RNF216: variants seen among roughly 807,000 people sequenced by gnomAD.
RNF216 encodes ring finger protein 216.
RNF216 carries 72 observed loss-of-function variants against 110.8 expected under a neutral mutation model. The observed-to-expected ratio is 0.65, with a 90% CI of 0.54 to 0.79. The LOEUF is 0.79. RNF216 is among the 30% of genes least tolerant of loss of function. RNF216 has a pLI of 0.00. For synonymous variants in RNF216, 495 were observed against 407.5 expected (o/e 1.21, Z -2.59); for missense variants, 1,342 against 1,141.2 (o/e 1.18, Z -2.54).
At position 5,711,187 on chromosome 7, in the gene RNF216, A is replaced by T. The variant is rs144342211; in HGVS notation, c.2061+574T>A. Among the ~76,000 whole-genome samples the T allele has an allele frequency of 3.3e-5, 5 of 152,358 alleles. No homozygotes were observed. In the East Asian group the frequency reaches 9.6e-4, roughly 29 times the overall value. On this transcript the variant is annotated intron_variant, in intron 13 of 16. Coordinates refer to ENST00000389902, the MANE Select transcript of RNF216 (RefSeq NM_207111.4). ...AGCTGAAAGATTTTAAGACATTCTT[A>T]GTTCACAGGGCGCCAAGTTAAAGGG...
At chr7:5,694,327 A>G (rs1281962206) in intron 13 of RNF216, among the ~76,000 whole-genome samples, 1 of 152,196 alleles carries the variant, frequency 6.6e-6, no homozygotes, top group African/African-American at 2.4e-5. Context: ...CTGCTACTCA[A>G]TGATATTCTC....
At chr7:5,774,792 CTT>C (rs771846982) in intron 1 of RNF216, among the ~76,000 whole-genome samples, 1 of 150,788 alleles carries the variant, frequency 6.6e-6, no homozygotes, top group Non-Finnish European at 1.5e-5. Context: ...AAGTTTTGCT[CTT>C]GTTGCCCAGG....
At chr7:5,759,643 T>C (rs1795829725) in intron 2 of RNF216, among the ~76,000 whole-genome samples, 1 of 147,472 alleles carries the variant, frequency 6.8e-6, no homozygotes, top group African/African-American at 2.5e-5. Flanking sequence ...CTTTTTTTTT[T>C]TTTTTTGAGA....
intron 13 of RNF216, among the ~76,000 whole-genome samples, chr7:5,699,053 CTTTT>C (rs1393450544): frequency 6.6e-6 from 1 of 151,952 alleles, no homozygotes; most frequent in Non-Finnish European, 1.5e-5. Flanking sequence ...TTAAAACTAA[CTTTT>C]TATTGTAGAA....
chr7:5,740,993 C>G lies in RNF216; in HGVS notation c.1024G>C (p.Glu342Gln), dbSNP rs770835110. ...EAAEVDQELV[E>Q]LLVKETEARF... is the part of the protein sequence containing the mutation. ...CTTACCGTTTCTTTCACTAGTAGTTCAACGAGCTCTTGATCTACCTCTGCA... is the reference window on the plus strand; with the variant it reads ...CTTACCGTTTCTTTCACTAGTAGTTGAACGAGCTCTTGATCTACCTCTGCA... Residue 342 changes from glutamate to glutamine, a missense_variant, in exon 4 of 17, where the codon GAA becomes CAA. Coordinates refer to ENST00000389902, the MANE Select transcript of RNF216 (RefSeq NM_207111.4). The G allele has an allele frequency of 6.2e-7, 1 of 1,605,946 alleles. No homozygotes were observed. The highest frequency in any genetic ancestry group is 1.1e-5 in the South Asian group (1 of 89,618).
intron 13 of RNF216, among the ~76,000 whole-genome samples, chr7:5,686,851 C>G (rs955279821): frequency 2.0e-5 from 3 of 152,122 alleles, no homozygotes; most frequent in Non-Finnish European, 4.4e-5. Flanking sequence ...AACTCAGATC[C>G]CTTGCATGAG....
intron 13 of RNF216, among the ~76,000 whole-genome samples, chr7:5,662,839 G>A (rs1203966517): frequency 6.6e-6 from 1 of 152,110 alleles, no homozygotes; most frequent in East Asian, 1.9e-4. Flanking sequence ...GTCAGGGAAG[G>A]CTTGTGTAGA....
At chr7:5,754,943 G>A (rs990531329) in intron 2 of RNF216, among the ~76,000 whole-genome samples, 3 of 151,456 alleles carry the variant, frequency 2.0e-5, no homozygotes, top group African/African-American at 7.3e-5. Flanking sequence ...CAGGAGAATC[G>A]CTTTAACCTG....
At chr7:5,731,014 C>A (rs73064643) in intron 5 of RNF216, among the ~76,000 whole-genome samples, 197 bp from the exon 6 acceptor site, 2 of 147,296 alleles carry the variant, frequency 1.4e-5, no homozygotes, top group Non-Finnish European at 3.0e-5. Flanking sequence ...TTGTGAAAGA[C>A]AAAAAAATTT....
At chr7:5,686,972 G>A (rs1791026608) in intron 13 of RNF216, among the ~76,000 whole-genome samples, 1 of 152,230 alleles carries the variant, frequency 6.6e-6, no homozygotes, top group Non-Finnish European at 1.5e-5. Flanking sequence ...CACCTCCTGT[G>A]TGGCCTGGGG....
chr7:5,641,987 C>T (rs1310714424), intron 14 of RNF216, among the ~76,000 whole-genome samples: 2 of 144,484 alleles, frequency 1.4e-5, no homozygotes, highest in South Asian at 2.2e-4. Context: ...GAGCTGAGAC[C>T]GTGTCACTGC....
At chr7:5,771,266 G>C (rs998896047) in intron 1 of RNF216, among the ~76,000 whole-genome samples, 1 of 152,116 alleles carries the variant, frequency 6.6e-6, no homozygotes, top group Non-Finnish European at 1.5e-5. Flanking sequence ...AACAATTTTA[G>C]ATAACTACAC....
At chr7:5,755,373 A>C (rs1186290144) in intron 2 of RNF216, among the ~76,000 whole-genome samples, 1 of 152,186 alleles carries the variant, frequency 6.6e-6, no homozygotes, top group Non-Finnish European at 1.5e-5. Flanking sequence ...AAAAAATTGA[A>C]AGAATAACAC....
At chr7:5,687,319 C>T (rs4498452) in intron 13 of RNF216, among the ~76,000 whole-genome samples, 1 of 144,266 alleles carries the variant, frequency 6.9e-6, no homozygotes, top group Non-Finnish European at 1.5e-5. Flanking sequence ...TCACTTGAAC[C>T]TGGGAGGCGG....
intron 13 of RNF216, among the ~76,000 whole-genome samples, chr7:5,698,933 G>A (rs538534972): frequency 6.6e-6 from 1 of 152,136 alleles, no homozygotes; most frequent in East Asian, 1.9e-4. Context: ...TTCGAATAAG[G>A]GTCTTTCCAG....
In RNF216 at chr7:5,621,534, G is replaced by C. The variant is rs889184194; in HGVS notation, c.*1326C>G. On this transcript the variant is annotated 3_prime_UTR_variant, in exon 17 of 17. Transcript: ENST00000389902. ...CGAATGACGGTGCCCGCCTGCCCCA[G>C]GCACCTTGGGTGGGCCAGGCCCTGC... 6.6e-6 allele frequency: 1 copy of C among 152,294 alleles called. No homozygotes were observed. 9.4% of individuals were successfully genotyped at this position (152,294 alleles called of 1,614,324 possible).
intron 13 of RNF216, among the ~76,000 whole-genome samples, chr7:5,688,906 G>A (rs852265): frequency 0.18 from 27,282 of 152,046 alleles, 4,362 homozygotes; most frequent in African/African-American, 0.43. Flanking sequence ...TCAATATAAA[G>A]TTTAAGTCTG....
chr7:5,649,615 C>T lies in RNF216; in HGVS notation c.2159+2798G>A, dbSNP rs551140440. On this transcript the variant is annotated intron_variant, in intron 14 of 16. Coordinates refer to ENST00000389902, the MANE Select transcript of RNF216 (RefSeq NM_207111.4). The stretch of plus-strand genomic sequence containing the variant: ...CAAGTTGAAGCCCGTGGAGCACCCT[C>T]TCTCTAAAAAAAAAAACACATCACC... 5.5e-4 allele frequency: 84 copies of T among 151,818 alleles called. No individual in the cohort carries two copies. In the Middle Eastern group the frequency reaches 0.01, roughly 18 times the overall value. The allele number at this position is 151,818 out of a possible 1,614,324, so 9.4% of individuals were successfully genotyped here. A position where few individuals can be genotyped will look rare whatever the true frequency, so the allele number is the denominator to read the frequency against.
At chr7:5,706,128 G>A (rs939474985) in intron 13 of RNF216, among the ~76,000 whole-genome samples, 2 of 150,870 alleles carry the variant, frequency 1.3e-5, no homozygotes, top group African/African-American at 4.9e-5. Flanking sequence ...GCTGAGGCAG[G>A]AGAATCGCTT....
Sources: allele counts gnomAD v4.1 joint callset (sites outside exome capture counted in the v4.1 genomes callset), GRCh38; gene constraint gnomAD v4.1.1; transcripts MANE v1.5; gene names NCBI Gene and HGNC (gene_info 2026-07-23, HGNC 2026-07-21).